Variants in DEPDC5 observed in about 807,000 individuals in gnomAD.
The protein encoded by DEPDC5 is GATOR1 complex protein DEPDC5.
A neutral mutation model predicts 217.3 loss-of-function variants in DEPDC5; 73 were observed. The ratio of observed to expected loss-of-function variants is 0.34; its 90% CI spans 0.28 to 0.41. The LOEUF (loss-of-function observed/expected upper bound fraction) is 0.41, where lower values mean the gene tolerates loss of function less well. Ranked by LOEUF, DEPDC5 falls within the 10% of genes least tolerant of loss-of-function variation. The probability of loss-of-function intolerance (pLI) is 1.00; values close to 1 mark genes in which losing one functional copy is unlikely to be tolerated. For synonymous variants in DEPDC5, 733 were observed against 756.7 expected, an observed-to-expected ratio of 0.97 and a Z score of 0.51; for missense variants, 1,675 against 2,070.1, an observed-to-expected ratio of 0.81 and a Z score of 3.70.
intron 8 of DEPDC5, among the ~76,000 whole-genome samples, chr22:31,780,358 G>A (rs2084303627): frequency 6.6e-6 from 1 of 152,152 alleles, no homozygotes; most frequent in African/African-American, 2.4e-5. Context: ...AGATGGGGAA[G>A]ACAGGGAAGA....
chr22:31,852,120 G>A (rs937465303), intron 31 of DEPDC5, among the ~76,000 whole-genome samples: 5 of 151,988 alleles, frequency 3.3e-5, no homozygotes, highest in South Asian at 2.1e-4. Context: ...CCTCAGTTGC[G>A]CCACTGCATT....
chr22:31,830,630 CGTGTGTGTGTGTGTGTGT>C (rs34078350), intron 24 of DEPDC5, among the ~76,000 whole-genome samples: 6 of 142,554 alleles, frequency 4.2e-5, no homozygotes, highest in South Asian at 2.3e-4. Flanking sequence ...TATGCGTGTA[CGTGTGTGTGTGTGTGTGT>C]GTGTGTGTGT....
chr22:31,842,758 G>T (rs1046762969), intron 27 of DEPDC5, among the ~76,000 whole-genome samples: 1 of 152,156 alleles, frequency 6.6e-6, no homozygotes, highest in South Asian at 2.1e-4. Flanking sequence ...TTATGCTGGT[G>T]TAGTAGAGTT....
chr22:31,879,415 C>T lies in DEPDC5; in HGVS notation c.3806-110C>T, dbSNP rs1011962656. 49 of 994,970 alleles carry T rather than the reference C, an allele frequency of 4.9e-5. No homozygotes were observed. In the Admixed American group the frequency reaches 7.7e-4, roughly 16 times the overall value. The allele number at this position is 994,970 out of a possible 1,614,324, so 61.6% of individuals were successfully genotyped here. ...CTATACAGTATGTGGCCTTGTGTGT[C>T]GGCTTCTTTTACTTAGCGTGTTTTT... On this transcript the variant is annotated intron_variant, in intron 37 of 42. Transcript: ENST00000651528.
chr22:31,815,554 A>G, intron 21 of DEPDC5: 1 of 605,066 alleles, frequency 1.7e-6, no homozygotes, highest in South Asian at 2.0e-5. Flanking sequence ...GCTGATTATC[A>G]TATTTTTTTT....
At chr22:31,901,855 A>G in intron 41 of DEPDC5, 53 bp downstream of exon 41, 1 of 1,551,806 alleles carries the variant, frequency 6.4e-7, no homozygotes, top group Non-Finnish European at 8.8e-7. Context: ...GTTTATCTTG[A>G]ATAGCAGTTA....
At chr22:31,902,687 C>A (rs1010826477) in intron 41 of DEPDC5, among the ~76,000 whole-genome samples, 4 of 151,974 alleles carry the variant, frequency 2.6e-5, no homozygotes, top group South Asian at 2.1e-4. Context: ...AGTAGACAGG[C>A]CTTATCCACT....
chr22:31,849,655 C>T (rs1418374442), intron 31 of DEPDC5, among the ~76,000 whole-genome samples: 2 of 152,048 alleles, frequency 1.3e-5, no homozygotes, highest in African/African-American at 2.4e-5. Flanking sequence ...GTGGCACACA[C>T]CTGTAATCCC....
intron 17 of DEPDC5, among the ~76,000 whole-genome samples, 193 bp from the exon 18 acceptor site, chr22:31,805,929 C>G (rs751938412): frequency 2.6e-5 from 4 of 152,080 alleles, no homozygotes; most frequent in Non-Finnish European, 5.9e-5. Flanking sequence ...CAGACTCTGT[C>G]TCTACCAAAA....
intron 38 of DEPDC5, among the ~76,000 whole-genome samples, chr22:31,881,028 A>G (rs1389330784): frequency 2.7e-5 from 4 of 150,274 alleles, no homozygotes; most frequent in African/African-American, 7.3e-5. Flanking sequence ...AAAAAAAAAA[A>G]GGGCCAAACG....
chr22:31,772,846 A>C (rs1015332473), intron 7 of DEPDC5, among the ~76,000 whole-genome samples: 21 of 151,972 alleles, frequency 1.4e-4, no homozygotes, highest in African/African-American at 5.1e-4. Context: ...TAGTAGCATG[A>C]TATCTCCCCA....
intron 38 of DEPDC5, among the ~76,000 whole-genome samples, chr22:31,881,200 G>A (rs1477074247): frequency 6.6e-6 from 1 of 151,836 alleles, no homozygotes; most frequent in Non-Finnish European, 1.5e-5. Context: ...TACTCCGGAG[G>A]CCGAGGCAGG....
chr22:31,757,525 A>G (rs2082034597), intron 2 of DEPDC5: 2 of 152,182 alleles, frequency 1.3e-5, no homozygotes, highest in African/African-American at 2.4e-5. Flanking sequence ...ATTTGGGAGT[A>G]AGCCAATGTT....
intron 38 of DEPDC5, among the ~76,000 whole-genome samples, chr22:31,885,965 G>A (rs1320821240): frequency 2.0e-5 from 3 of 151,112 alleles, no homozygotes; most frequent in African/African-American, 2.4e-5. Context: ...ATCGAGAGGC[G>A]GAGGTTGCAT....
intron 38 of DEPDC5, among the ~76,000 whole-genome samples, chr22:31,887,036 T>C (rs1278133092): frequency 2.0e-5 from 3 of 146,682 alleles, no homozygotes; most frequent in African/African-American, 7.7e-5. Context: ...TGAGCTGAGA[T>C]CGTGCCATTA....
intron 37 of DEPDC5, among the ~76,000 whole-genome samples, chr22:31,878,080 G>A (rs1440571505): frequency 6.6e-6 from 1 of 152,012 alleles, no homozygotes; most frequent in African/African-American, 2.4e-5. Context: ...CCAGCTACTT[G>A]GGAGGCTGAG....
chr22:31,784,314 C>T lies in DEPDC5; in HGVS notation c.562+329C>T, dbSNP rs560992222. ...GAATGAAACCACTTTGTACATCTGGCTTTTATGATCTTGTTTTAAGATGTA... is the reference window on the plus strand; with the variant it reads ...GAATGAAACCACTTTGTACATCTGGTTTTTATGATCTTGTTTTAAGATGTA... On this transcript the variant is annotated intron_variant, in intron 9 of 42. Transcript: ENST00000651528. 124 of 217,414 alleles carry T rather than the reference C, an allele frequency of 5.7e-4. 1 individual carries two copies. The highest frequency in any genetic ancestry group is 2.8e-3 in the African/African-American group (120 of 42,898). 13.5% of individuals were successfully genotyped at this position (217,414 alleles called of 1,614,324 possible). A position where few individuals can be genotyped will look rare whatever the true frequency, so the allele number is the denominator to read the frequency against.
chr22:31,873,062 T>A, intron 34 of DEPDC5, 193 bp from the exon 35 acceptor site: 1 of 1,122,520 alleles, frequency 8.9e-7, no homozygotes, highest in Non-Finnish European at 1.2e-6. Flanking sequence ...GCCCTAAATG[T>A]GTATATTTTA....
At chr22:31,893,231 A>G (rs2093478879) in intron 38 of DEPDC5, among the ~76,000 whole-genome samples, 1 of 152,094 alleles carries the variant, frequency 6.6e-6, no homozygotes, top group African/African-American at 2.4e-5. Context: ...CTAACATGAT[A>G]TCCTACAGAA....
Sources: gnomAD v4.1 joint callset for allele counts (sites outside exome capture counted in the v4.1 genomes callset) on GRCh38, gnomAD v4.1.1 for gene constraint, MANE v1.5 for transcripts, NCBI Gene and HGNC (gene_info 2026-07-23, HGNC 2026-07-21) for gene names.